Variants in PTPRK observed in about 807,000 individuals in gnomAD.
The protein encoded by PTPRK is protein tyrosine phosphatase receptor type K.
A neutral mutation model predicts 178.0 loss-of-function variants in PTPRK; 75 were observed. The observed-to-expected ratio is 0.42, with a 90% CI of 0.35 to 0.51. The LOEUF (loss-of-function observed/expected upper bound fraction) is 0.51. PTPRK is among the 20% of genes least tolerant of loss of function. The pLI is 0.02. For synonymous variants in PTPRK, 637 were observed against 620.6 expected (o/e 1.03, Z -0.39); for missense variants, 1,441 against 1,797.8 (o/e 0.80, Z 3.59).
In PTPRK at chr6:128,217,014, C is replaced by T. The variant is rs949303790; in HGVS notation, c.868+1908G>A. Among the ~76,000 whole-genome samples, 13 of 152,208 alleles carry T rather than the reference C, an allele frequency of 8.5e-5. No homozygotes were observed. In the East Asian group the frequency reaches 1.4e-3, roughly 16 times the overall value. On this transcript the variant is annotated intron_variant, in intron 6 of 29. Transcript: ENST00000368226. ...TCCTTCACTGGTTGCAAATTGTGAA[C>T]GCATATATGGTAAAGAAGATCCAGT...
chr6:128,394,791 A>AT (rs967349523), intron 2 of PTPRK, among the ~76,000 whole-genome samples: 2 of 152,070 alleles, frequency 1.3e-5, no homozygotes, highest in South Asian at 2.1e-4. Context: ...AATAGAAACA[A>AT]TTTTTTTTAT....
At chr6:128,398,960 G>A (rs1442176661) in intron 1 of PTPRK, among the ~76,000 whole-genome samples, 1 of 152,102 alleles carries the variant, frequency 6.6e-6, no homozygotes, top group East Asian at 1.9e-4. Flanking sequence ...AACATATTTA[G>A]TTTATTCAAA....
intron 6 of PTPRK, among the ~76,000 whole-genome samples, chr6:128,190,490 C>CTTTTTTTTTTTTTTT (rs34873441): frequency 3.1e-5 from 3 of 96,124 alleles, no homozygotes; most frequent in African/African-American, 1.1e-4. Context: ...TGATAGATAC[C>CTTTTTTTTTTTTTTT]TTTTTTTTTT....
intron 2 of PTPRK, among the ~76,000 whole-genome samples, chr6:128,331,400 C>A (rs917428482): frequency 1.3e-5 from 2 of 151,938 alleles, no homozygotes; most frequent in Non-Finnish European, 2.9e-5. Context: ...GACTGTGTAA[C>A]CTGTAAACTT....
chr6:128,092,201 A>G (rs962940614), intron 7 of PTPRK, among the ~76,000 whole-genome samples: 3 of 152,216 alleles, frequency 2.0e-5, no homozygotes, highest in African/African-American at 7.2e-5. Context: ...ATAGCTTTCT[A>G]AGAATTGACA....
At chr6:128,123,968 A>C (rs920972378) in intron 7 of PTPRK, among the ~76,000 whole-genome samples, 3 of 151,982 alleles carry the variant, frequency 2.0e-5, no homozygotes, top group Non-Finnish European at 2.9e-5. Flanking sequence ...GTGGATGCCG[A>C]CCTTCACTAC....
chr6:128,161,873 C>A (rs1392287795), intron 7 of PTPRK, among the ~76,000 whole-genome samples: 1 of 151,498 alleles, frequency 6.6e-6, no homozygotes, highest in Non-Finnish European at 1.5e-5. Flanking sequence ...ATACTATGGA[C>A]AGCATCAGCA....
chr6:128,016,681 A>G (rs1411665186), intron 13 of PTPRK, among the ~76,000 whole-genome samples: 1 of 151,758 alleles, frequency 6.6e-6, no homozygotes, highest in East Asian at 1.9e-4. Context: ...TTTTATGGTT[A>G]GGGCCTATTG....
At chr6:128,299,693 C>T (rs1229483120) in intron 3 of PTPRK, among the ~76,000 whole-genome samples, 1 of 152,090 alleles carries the variant, frequency 6.6e-6, no homozygotes, top group Non-Finnish European at 1.5e-5. Flanking sequence ...AACTGGATCC[C>T]TTCCTTACAC....
rs79204747 is a variant in PTPRK at position 128,002,795 on chromosome 6, G to C, written c.2494+2289C>G. ...TATTTACTTGTAAATTTGTTCTTTCGTGGTTATAAATTGGGAGGATTTAGA... is the reference window on the plus strand; with the variant it reads ...TATTTACTTGTAAATTTGTTCTTTCCTGGTTATAAATTGGGAGGATTTAGA... On this transcript the variant is annotated intron_variant, in intron 15 of 29. Transcript: ENST00000368226. Among the ~76,000 whole-genome samples the C allele has an allele frequency of 8.8e-3, 1,329 of 151,876 alleles. 22 individuals are homozygous for C. Among genetic ancestry groups the C allele is most frequent in the African/African-American group, 0.03 (1,249 of 41,470 alleles).
chr6:127,995,585 T>C (rs989566427), intron 17 of PTPRK, 47 bp from the exon 18 acceptor site: 9 of 1,204,374 alleles, frequency 7.5e-6, no homozygotes, highest in Non-Finnish European at 4.7e-6. Context: ...TTTCCCCCTG[T>C]TCTGAGACAA....
At chr6:128,412,669 T>C (rs769809583) in intron 1 of PTPRK, among the ~76,000 whole-genome samples, 10 of 152,202 alleles carry the variant, frequency 6.6e-5, no homozygotes, top group African/African-American at 2.2e-4. Flanking sequence ...AGAAAGAAGA[T>C]ACATTTTTGT....
chr6:128,196,202 GATCT>G (rs1436266780), intron 6 of PTPRK, among the ~76,000 whole-genome samples: 1 of 151,456 alleles, frequency 6.6e-6, no homozygotes, highest in Non-Finnish European at 1.5e-5. Flanking sequence ...CATTAAAGCA[GATCT>G]ATCAATATGG....
At chr6:128,128,365 A>G (rs1472253529) in intron 7 of PTPRK, among the ~76,000 whole-genome samples, 1 of 152,144 alleles carries the variant, frequency 6.6e-6, no homozygotes, top group African/African-American at 2.4e-5. Flanking sequence ...ATACAAGCAT[A>G]GGCACTGTGC....
chr6:128,319,277 A>G (rs1828465796), intron 3 of PTPRK, among the ~76,000 whole-genome samples: 1 of 152,164 alleles, frequency 6.6e-6, no homozygotes. Context: ...TCATTTAACC[A>G]TCGCTATGGT....
chr6:128,461,268 T>C (rs1584821404), intron 1 of PTPRK, among the ~76,000 whole-genome samples: 1 of 147,794 alleles, frequency 6.8e-6, no homozygotes, highest in African/African-American at 2.6e-5. Context: ...GAAATCCAGA[T>C]GTCCTAATGA....
chr6:128,312,692 G>A lies in PTPRK; in HGVS notation c.495+9347C>T, dbSNP rs190289928. Among the ~76,000 whole-genome samples the A allele has an allele frequency of 2.6e-3, 397 of 151,926 alleles. 3 individuals carry two copies. The highest frequency in any genetic ancestry group is 3.6e-3 in the African/African-American group (149 of 41,452). On this transcript the variant is annotated intron_variant, in intron 3 of 29. Coordinates refer to ENST00000368226, the MANE Select transcript of PTPRK (RefSeq NM_002844.4). ...CCATCATTTTCCATTAAAAATTATC[G>A]ATGTATACGCAATTGTCTTAGTGGA... is the stretch of plus-strand genomic sequence containing the variant.
At chr6:128,298,116 A>C (rs987386381) in intron 3 of PTPRK, among the ~76,000 whole-genome samples, 3 of 152,200 alleles carry the variant, frequency 2.0e-5, no homozygotes, top group Non-Finnish European at 4.4e-5. Flanking sequence ...TAAGCAAATA[A>C]ACTAGAAAAT....
chr6:128,083,751 T>G lies in PTPRK; in HGVS notation c.1539A>C (p.Glu513Asp), dbSNP rs747614626. Residue 513 changes from glutamate to aspartate, a missense_variant, in exon 9 of 30, where the codon GAA becomes GAC. Physicochemically the swap from Glu to Asp is conservative, Grantham distance 45. Coordinates refer to ENST00000368226, the MANE Select transcript of PTPRK (RefSeq NM_002844.4). The part of the protein sequence containing the change: ...FENKIFLNWK[E>D]PLDPNGIITQ... Reference sequence around the variant, plus strand: ...TGATGATTCCATTTGGATCCAAAGGTTCTTTCCAGTTCAAGAAGATCTTAT... The same window carrying G: ...TGATGATTCCATTTGGATCCAAAGGGTCTTTCCAGTTCAAGAAGATCTTAT... 8 of 1,606,158 alleles carry G rather than the reference T, an allele frequency of 5.0e-6. No individual in the cohort carries two copies. The highest frequency in any genetic ancestry group is 3.3e-5 in the South Asian group (3 of 90,362).
Sources: allele counts gnomAD v4.1 joint callset (sites outside exome capture counted in the v4.1 genomes callset), GRCh38; gene constraint gnomAD v4.1.1; transcripts MANE v1.5; gene names NCBI Gene and HGNC (gene_info 2026-07-23, HGNC 2026-07-21).